The following DAB1 variants were observed in gnomAD, a reference collection of about 807,000 sequenced individuals.
The protein encoded by DAB1 is DAB adaptor protein 1.
In DAB1, 15 loss-of-function variants were observed where a neutral mutation model predicts 64.6. The observed-to-expected ratio is 0.23, with a 90% CI of 0.16 to 0.36. The LOEUF (loss-of-function observed/expected upper bound fraction) is 0.36. Ranked by LOEUF, DAB1 falls within the 10% of genes least tolerant of loss-of-function variation. The pLI, the probability that DAB1 is intolerant of heterozygous loss-of-function variation, is 1.00. For missense variants in DAB1, 596 were observed against 706.7 expected (o/e 0.84, Z 1.78); for synonymous variants, 235 against 251.9 (o/e 0.93, Z 0.64).
chr1:58,323,576 T>C (rs1380474717), intron 4 of DAB1, among the ~76,000 whole-genome samples: 1 of 152,060 alleles, frequency 6.6e-6, no homozygotes, highest in Non-Finnish European at 1.5e-5. Context: ...AACCAATCAG[T>C]GGGATACATT....
intron 1 of DAB1, among the ~76,000 whole-genome samples, chr1:57,408,442 C>T (rs2101050438): frequency 6.6e-6 from 1 of 152,280 alleles, no homozygotes; most frequent in Middle Eastern, 3.4e-3. Flanking sequence ...TAAAGATTCT[C>T]AGTAGCCTCA....
chr1:58,342,679 A>T (rs1378863950), intron 4 of DAB1, among the ~76,000 whole-genome samples: 1 of 152,104 alleles, frequency 6.6e-6, no homozygotes, highest in Non-Finnish European at 1.5e-5. Context: ...AATGTACCCT[A>T]TATCAAAGTT....
intron 1 of DAB1, among the ~76,000 whole-genome samples, chr1:57,327,496 C>T (rs1010330393): frequency 9.9e-5 from 15 of 152,062 alleles, no homozygotes; most frequent in African/African-American, 3.6e-4. Context: ...GCCAATCCTC[C>T]GGACGGCAGA....
At chr1:57,414,017 T>C (rs1037342685) in intron 1 of DAB1, among the ~76,000 whole-genome samples, 1 of 152,206 alleles carries the variant, frequency 6.6e-6, no homozygotes, top group African/African-American at 2.4e-5. Context: ...TTACTTCTTA[T>C]GGATGAGCAA....
At chr1:57,582,504 A>C (rs1645325667) in intron 7 of DAB1, among the ~76,000 whole-genome samples, 1 of 152,236 alleles carries the variant, frequency 6.6e-6, no homozygotes, top group African/African-American at 2.4e-5. Flanking sequence ...ATCACTTCCC[A>C]AAGACATTTC....
intron 4 of DAB1, among the ~76,000 whole-genome samples, chr1:58,332,030 C>G (rs1041157407): frequency 1.5e-4 from 23 of 152,154 alleles, no homozygotes; most frequent in African/African-American, 5.3e-4. Flanking sequence ...TATTCATGGT[C>G]TGAACTTCTT....
At chr1:57,588,674 C>A (rs531369132) in intron 7 of DAB1, among the ~76,000 whole-genome samples, 95 of 152,176 alleles carry the variant, frequency 6.2e-4, no homozygotes, top group African/African-American at 2.2e-3. Context: ...CATTTAGAAG[C>A]AATACATATT....
intron 9 of DAB1, among the ~76,000 whole-genome samples, chr1:57,058,825 T>C (rs1428768549): frequency 6.6e-6 from 1 of 152,226 alleles, no homozygotes; most frequent in African/African-American, 2.4e-5. Context: ...ACCACAGTCC[T>C]CAGCGGGAAC....
chr1:58,297,486 C>T (rs1392653710), intron 4 of DAB1, among the ~76,000 whole-genome samples: 1 of 152,188 alleles, frequency 6.6e-6, no homozygotes, highest in Non-Finnish European at 1.5e-5. Context: ...ATGCCTGGTA[C>T]AGAGTGAGTG....
chr1:58,101,132 C>G (rs975736386), intron 5 of DAB1, among the ~76,000 whole-genome samples: 2 of 152,066 alleles, frequency 1.3e-5, no homozygotes, highest in African/African-American at 4.8e-5. Context: ...CTGGCTAACA[C>G]GGTGAAACCC....
At chr1:57,830,663 C>A (rs576809295) in intron 1 of DAB1, among the ~76,000 whole-genome samples, 1 of 152,228 alleles carries the variant, frequency 6.6e-6, no homozygotes, top group East Asian at 1.9e-4. Flanking sequence ...GGAAAGCCTG[C>A]CTACAAGATT....
At chr1:57,582,996 C>G (rs945171443) in intron 7 of DAB1, among the ~76,000 whole-genome samples, 1 of 151,974 alleles carries the variant, frequency 6.6e-6, no homozygotes, top group East Asian at 1.9e-4. Context: ...AATGTGAGGA[C>G]GGAATGTGAA....
At chr1:57,184,061 A>C (rs989215159) in intron 2 of DAB1, among the ~76,000 whole-genome samples, 2 of 150,824 alleles carry the variant, frequency 1.3e-5, no homozygotes, top group African/African-American at 5.0e-5. Flanking sequence ...TTATTAAAGA[A>C]ATCAACAACA....
At chr1:57,210,269 G>T (rs1308998564) in intron 2 of DAB1, among the ~76,000 whole-genome samples, 1 of 152,082 alleles carries the variant, frequency 6.6e-6, no homozygotes, top group Non-Finnish European at 1.5e-5. Flanking sequence ...AATGTCTACT[G>T]CTATGATTTT....
intron 7 of DAB1, among the ~76,000 whole-genome samples, chr1:57,546,869 C>T (rs141183103): frequency 6.6e-6 from 1 of 152,082 alleles, no homozygotes; most frequent in Non-Finnish European, 1.5e-5. Flanking sequence ...TATATATATG[C>T]ACATGGGCAG....
rs547486312 is a variant in DAB1, at chr1:57,955,411, T to G, written n.388-71249A>C. 2.6e-5 allele frequency among the ~76,000 whole-genome samples: 4 copies of G among 152,334 alleles called. No individual in the cohort carries two copies. The East Asian group carries it at 7.7e-4, about 29-fold the overall frequency. ...TGACTTAGTCCCTTGTCCTTTCTAC[T>G]GTCAGTCAAGCCCACATGCAAGAGC... On this transcript the variant is annotated intron_variant and non_coding_transcript_variant, in intron 5 of 20. Transcript: ENST00000485760.
chr1:57,109,654 C>T (rs566673295), intron 4 of DAB1, among the ~76,000 whole-genome samples: 1 of 152,290 alleles, frequency 6.6e-6, no homozygotes, highest in South Asian at 2.1e-4. Context: ...TTATCATGTG[C>T]CAGCTCTTAT....
chr1:57,009,742 A>T (rs903925886), intron 14 of DAB1, among the ~76,000 whole-genome samples: 1 of 152,198 alleles, frequency 6.6e-6, no homozygotes, highest in Non-Finnish European at 1.5e-5. Flanking sequence ...TGACCTTAGA[A>T]ATCATGTCTG....
chr1:57,928,353 G>A (rs887811172), intron 5 of DAB1, among the ~76,000 whole-genome samples: 11 of 151,744 alleles, frequency 7.2e-5, no homozygotes, highest in Non-Finnish European at 1.2e-4. Flanking sequence ...GAGATTTCCC[G>A]TATACTCTCC....
Sources: allele counts gnomAD v4.1 joint callset (sites outside exome capture counted in the v4.1 genomes callset), GRCh38; gene constraint gnomAD v4.1.1; transcripts MANE v1.5; gene names NCBI Gene and HGNC (gene_info 2026-07-23, HGNC 2026-07-21).